PHLPP1: variants seen among roughly 807,000 people sequenced by gnomAD.
PHLPP1 encodes the protein PH domain and leucine rich repeat protein phosphatase 1.
A neutral mutation model predicts 117.2 loss-of-function variants in PHLPP1; 42 were observed. The ratio of observed to expected loss-of-function variants is 0.36; its 90% CI spans 0.28 to 0.46. PHLPP1 has a LOEUF of 0.46. Ranked by LOEUF, PHLPP1 falls within the 20% of genes least tolerant of loss-of-function variation. The probability of loss-of-function intolerance (pLI) is 1.00; values close to 1 mark genes in which losing one functional copy is unlikely to be tolerated. For synonymous variants in PHLPP1, 1,042 were observed against 970.7 expected (o/e 1.07, Z -1.37); for missense variants, 2,084 against 2,241.9 (o/e 0.93, Z 1.42).
intron 11 of PHLPP1, among the ~76,000 whole-genome samples, chr18:62,942,354 A>G (rs1012337665): frequency 6.6e-6 from 1 of 152,136 alleles, no homozygotes; most frequent in Non-Finnish European, 1.5e-5. Flanking sequence ...GACCCTATCT[A>G]TTAAAAAATA....
At chr18:62,885,882 A>G (rs974951588) in intron 4 of PHLPP1, among the ~76,000 whole-genome samples, 1 of 152,182 alleles carries the variant, frequency 6.6e-6, no homozygotes, top group Non-Finnish European at 1.5e-5. Flanking sequence ...ATACATTTAC[A>G]TGGTCTACTG....
chr18:62,879,524 A>G (rs1259380404), intron 4 of PHLPP1, among the ~76,000 whole-genome samples: 2 of 151,128 alleles, frequency 1.3e-5, no homozygotes, highest in Admixed American at 1.3e-4. Context: ...CGATTCTCCC[A>G]CCTCCGCCTC....
chr18:62,978,605 C>G lies in PHLPP1; in HGVS notation c.4328C>G (p.Pro1443Arg). The G allele has an allele frequency of 6.2e-7, 1 of 1,613,506 alleles. No individual in the cohort carries two copies. The highest frequency in any genetic ancestry group is 1.3e-5 in the African/African-American group (1 of 75,010). Residue 1443 changes from proline to arginine, a missense_variant, in exon 17 of 17, where the codon CCC becomes CGC. Pro to Arg is a moderately radical substitution (Grantham distance 103). This residue lies in a region of PHLPP1 where 1,365 missense variants were observed against 1,605.9 expected (regional missense o/e 0.85). Coordinates refer to ENST00000262719, the MANE Select transcript of PHLPP1 (RefSeq NM_194449.4). The surrounding 1 kb of genome is among the most constrained non-coding windows in gnomAD (Gnocchi z 7.0). Reference sequence around the variant, plus strand: ...AGCGCCGGTGGGGCTGTGCCACCACCCAGTCCTGGCATCTTTCCTCCCTCA... The same window carrying G: ...AGCGCCGGTGGGGCTGTGCCACCACGCAGTCCTGGCATCTTTCCTCCCTCA... ...ELSAGGAVPPPSPGIFPPSVN... is the reference protein window; with the variant it reads ...ELSAGGAVPPRSPGIFPPSVN...
intron 8 of PHLPP1, among the ~76,000 whole-genome samples, chr18:62,912,465 A>G (rs924147015): frequency 6.6e-6 from 1 of 151,942 alleles, no homozygotes; most frequent in Non-Finnish European, 1.5e-5. Flanking sequence ...AACTTAAATC[A>G]GACATTACCT....
Position 62,716,967 on chromosome 18 carries a change from G to C in PHLPP1, c.1284G>C (p.Gly428=). 1 of 1,539,768 alleles carries C rather than the reference G, an allele frequency of 6.5e-7. No individual in the cohort carries two copies. The highest frequency in any genetic ancestry group is 8.7e-7 in the Non-Finnish European group (1 of 1,146,076). ...CGAGGGCCATTGACAGCCCGGGCGG[G>C]GCCGTCCGCGAGGGGTCGTGCGAGG... ...KAPRAIDSPG[G]AVREGSCEEK... The change falls in exon 1 of 17, where the codon GGG becomes GGC. Residue 428 remains glycine, a synonymous_variant. Transcript: ENST00000262719. This position sits in a 1 kb window ranked among gnomAD's most constrained non-coding sequence, Gnocchi z 5.7.
At chr18:62,759,727 G>A (rs989492883) in intron 1 of PHLPP1, among the ~76,000 whole-genome samples, 3 of 152,144 alleles carry the variant, frequency 2.0e-5, no homozygotes, top group Admixed American at 6.5e-5. Flanking sequence ...TCTGTAACTG[G>A]TGGTTGACTG....
intron 12 of PHLPP1, among the ~76,000 whole-genome samples, chr18:62,949,595 A>G (rs1396857119): frequency 1.3e-5 from 2 of 152,220 alleles, no homozygotes; most frequent in Admixed American, 1.3e-4. Context: ...TGAGTGGATC[A>G]TTAGTGTTAT....
At chr18:62,801,713 A>T (rs1309454738) in intron 1 of PHLPP1, among the ~76,000 whole-genome samples, 1 of 152,008 alleles carries the variant, frequency 6.6e-6, no homozygotes, top group African/African-American at 2.4e-5. Flanking sequence ...CTGCCTCCCA[A>T]AGTGCTGGGA....
chr18:62,747,973 A>G (rs181928053), intron 1 of PHLPP1, among the ~76,000 whole-genome samples: 18 of 152,288 alleles, frequency 1.2e-4, no homozygotes, highest in Admixed American at 3.3e-4. Flanking sequence ...ATTGGTTGAG[A>G]TTAACTTTGT....
chr18:62,787,161 CTCTTT>C (rs1358754928), intron 1 of PHLPP1, among the ~76,000 whole-genome samples: 1 of 151,542 alleles, frequency 6.6e-6, no homozygotes, highest in Non-Finnish European at 1.5e-5. Flanking sequence ...TTTTTTTTCT[CTCTTT>C]TCTTTTTAGC....
intron 1 of PHLPP1, among the ~76,000 whole-genome samples, chr18:62,738,362 A>G (rs1911428652): frequency 6.6e-6 from 1 of 152,308 alleles, no homozygotes; most frequent in Admixed American, 6.5e-5. Flanking sequence ...CTCAAAAACA[A>G]CAAAACCCCA....
intron 1 of PHLPP1, among the ~76,000 whole-genome samples, chr18:62,792,482 C>G (rs984367998): frequency 1.3e-5 from 2 of 152,162 alleles, no homozygotes; most frequent in Non-Finnish European, 2.9e-5. Flanking sequence ...CACTTTTGCT[C>G]TCTTCTAACC....
At chr18:62,847,340 C>T (rs1915205879) in intron 3 of PHLPP1, among the ~76,000 whole-genome samples, 1 of 152,030 alleles carries the variant, frequency 6.6e-6, no homozygotes, top group Non-Finnish European at 1.5e-5. Flanking sequence ...AGGCACTAGG[C>T]TCCATGTGGA....
intron 3 of PHLPP1, among the ~76,000 whole-genome samples, chr18:62,849,810 A>ATAT (rs1441580481): frequency 2.4e-5 from 1 of 42,396 alleles, no homozygotes; most frequent in African/African-American, 9.7e-5. Flanking sequence ...AAAAAAAAAA[A>ATAT]AAAAAAAAAA....
chr18:62,788,829 T>A lies in PHLPP1; in HGVS notation c.1577-41206T>A, dbSNP rs140328266. ...CCCCCTTTTTCCTATATATTTCTTA[T>A]ATCTTAGGTTCTTTCATCTCTTTGT... On this transcript the variant is annotated intron_variant, in intron 1 of 16. Transcript: ENST00000262719. 2.9e-3 allele frequency among the ~76,000 whole-genome samples: 448 copies of A among 152,316 alleles called. 5 individuals are homozygous for A. Among genetic ancestry groups the A allele is most frequent in the African/African-American group, 0.01 (428 of 41,574 alleles).
intron 8 of PHLPP1, among the ~76,000 whole-genome samples, chr18:62,911,284 A>G (rs1156890615): frequency 1.7e-5 from 1 of 57,340 alleles, no homozygotes; most frequent in East Asian, 2.9e-4. Context: ...TGGCAACAAA[A>G]GCCAAAATTG....
At position 62,975,442 on chromosome 18, in the gene PHLPP1, T is replaced by C; in HGVS notation, c.3801T>C (p.Leu1267=). 1 of 1,613,936 alleles carries C rather than the reference T, an allele frequency of 6.2e-7. No individual in the cohort carries two copies. Residue 1267 remains leucine, a synonymous_variant, in exon 16 of 17, where the codon CTT becomes CTC. Transcript: ENST00000262719. Reference sequence around the variant, plus strand: ...AGAAGCTTGGTGGTGCCGCTGTCCTTTGTCATATCAAGCATGACCCTGTGG... The same window carrying C: ...AGAAGCTTGGTGGTGCCGCTGTCCTCTGTCATATCAAGCATGACCCTGTGG... ...AGQKLGGAAV[L]CHIKHDPVDP...
chr18:62,795,089 A>T (rs1031865075), intron 1 of PHLPP1, among the ~76,000 whole-genome samples: 3 of 152,192 alleles, frequency 2.0e-5, no homozygotes, highest in Admixed American at 6.5e-5. Flanking sequence ...AGGACTAGGT[A>T]ATAAATATAA....
chr18:62,976,587 C>T (rs564975766), intron 16 of PHLPP1, among the ~76,000 whole-genome samples: 1 of 152,314 alleles, frequency 6.6e-6, no homozygotes, highest in African/African-American at 2.4e-5. Flanking sequence ...GTCTTCTGCT[C>T]CCTAGCACAG....
Sources: allele counts gnomAD v4.1 joint callset (sites outside exome capture counted in the v4.1 genomes callset), GRCh38; gene constraint gnomAD v4.1.1; regional missense constraint gnomAD v4.1.1; non-coding constraint Gnocchi (gnomAD v3.1); transcripts MANE v1.5; gene names NCBI Gene and HGNC (gene_info 2026-07-23, HGNC 2026-07-21).